RBBP7: variants seen among roughly 807,000 people sequenced by gnomAD.
The protein encoded by RBBP7 is RB binding protein 7, chromatin remodeling factor.
Under a neutral mutation model 35.2 loss-of-function variants are expected in RBBP7, and 5 were observed. The ratio of observed to expected loss-of-function variants is 0.14; its 90% CI spans 0.07 to 0.30. The LOEUF is 0.30. Among genes scored for constraint, RBBP7 ranks in the 10% least tolerant of loss-of-function variants. The pLI, the probability that RBBP7 is intolerant of heterozygous loss-of-function variation, is 1.00. For missense variants in RBBP7, 155 were observed against 327.5 expected, an observed-to-expected ratio of 0.47 and a Z score of 4.07; for synonymous variants, 140 against 118.7, an observed-to-expected ratio of 1.18 and a Z score of -1.17.
chrX:16,849,093 T>G, intron 10 of RBBP7, 151 bp downstream of exon 10: 1 of 413,235 alleles, frequency 2.4e-6, no homozygotes, highest in Admixed American at 4.5e-5. Context: ...TTGATAAATG[T>G]CAAAGCCCAG....
intron 2 of RBBP7, among the ~76,000 whole-genome samples, chrX:16,863,740 C>T (rs979114784): frequency 2.7e-5 from 3 of 112,243 alleles, no homozygotes; most frequent in African/African-American, 9.7e-5. Context: ...GTTTATGAAA[C>T]GAACATTCTC....
At chrX:16,864,993 G>A (rs1350821511) in intron 2 of RBBP7, among the ~76,000 whole-genome samples, 1 of 97,292 alleles carries the variant, frequency 1.0e-5, no homozygotes, top group Non-Finnish European at 2.0e-5. Context: ...CAGCTACTAG[G>A]GCTACTACGG....
At chrX:16,865,222 AAAAAACAAAAAACAC>A (rs1238223680) in intron 2 of RBBP7, among the ~76,000 whole-genome samples, 128 of 111,299 alleles carry the variant, frequency 1.2e-3, no homozygotes, top group African/African-American at 4.0e-3. Flanking sequence ...CCATCTCCAC[AAAAAACAAAAAACAC>A]AAAAACAAAA....
At chrX:16,853,873 C>T (rs1254542239) in intron 5 of RBBP7, 31 bp from the exon 6 acceptor site, 9 of 1,047,155 alleles carry the variant, frequency 8.6e-6, no homozygotes, top group Middle Eastern at 2.7e-4. Context: ...AAAAAAAGAA[C>T]AAGGGCTATA....
chrX:16,857,839 T>C, intron 4 of RBBP7, 130 bp from the exon 5 acceptor site: 3 of 946,514 alleles, frequency 3.2e-6, no homozygotes, highest in Non-Finnish European at 4.2e-6. Context: ...TAATACCCAA[T>C]GCAAATTGAG....
intron 5 of RBBP7, among the ~76,000 whole-genome samples, chrX:16,854,351 GT>G: frequency 9.0e-6 from 1 of 111,138 alleles, no homozygotes. Flanking sequence ...ACACTCCACT[GT>G]AATGAGGGGG....
Position 16,855,911 on chromosome X carries a change from A to C in RBBP7, c.597+1683T>G, listed in dbSNP as rs192182821. 1.2e-3 allele frequency among the ~76,000 whole-genome samples: 122 copies of C among 103,169 alleles called. No homozygotes were observed. In the East Asian group the frequency reaches 0.031, roughly 26 times the overall value. 89.6% of individuals were successfully genotyped at this position (103,169 alleles called of 115,157 possible). ...ACTTGACAGGCTGAGGTAGAGAACC[A>C]CTAGAGCTGGAAAGGTGGAGGGTGC... On this transcript the variant is annotated intron_variant, in intron 5 of 11. Coordinates refer to ENST00000380087, the MANE Select transcript of RBBP7 (RefSeq NM_002893.4).
At chrX:16,859,295 T>C (rs937222901) in intron 3 of RBBP7, among the ~76,000 whole-genome samples, 1 of 112,149 alleles carries the variant, frequency 8.9e-6, no homozygotes, top group African/African-American at 3.2e-5. Flanking sequence ...TGAACACCCT[T>C]TGAGTCTGAA....
At chrX:16,866,554 A>AAAAAAGAAAG (rs1569063906) in intron 2 of RBBP7, among the ~76,000 whole-genome samples, 1 of 57,677 alleles carries the variant, frequency 1.7e-5, no homozygotes, top group African/African-American at 7.5e-5. Context: ...AAAAAAAAAA[A>AAAAAAGAAAG]AAAGAAAGAA....
chrX:16,855,635 A>G (rs2147519534), intron 5 of RBBP7, among the ~76,000 whole-genome samples: 1 of 110,926 alleles, frequency 9.0e-6, no homozygotes, highest in South Asian at 3.8e-4. Flanking sequence ...TCTCTTCAAA[A>G]GGTACTAGTA....
At chrX:16,849,985 T>C (rs945188162) in intron 9 of RBBP7, among the ~76,000 whole-genome samples, 2 of 112,092 alleles carry the variant, frequency 1.8e-5, no homozygotes, top group African/African-American at 6.5e-5. Flanking sequence ...AATCACTCTT[T>C]ATGTATCAAT....
chrX:16,867,448 G>A (rs886444219), intron 2 of RBBP7, among the ~76,000 whole-genome samples: 25 of 111,677 alleles, frequency 2.2e-4, no homozygotes, highest in Admixed American at 6.7e-4. Flanking sequence ...TTGAATACCC[G>A]AGTATATGAT....
rs1930033625 is a variant in RBBP7, at chrX:16,844,917, AAAG to A, written c.*115_*117del. The A allele has an allele frequency of 9.0e-6, 5 of 553,707 alleles. No homozygotes were observed. Among genetic ancestry groups the A allele is most frequent in the Non-Finnish European group, 1.5e-5 (5 of 328,392 alleles). 45.6% of individuals were successfully genotyped at this position (553,707 alleles called of 1,213,427 possible). A position where few individuals can be genotyped will look rare whatever the true frequency, so the allele number is the denominator to read the frequency against. On this transcript the variant is annotated 3_prime_UTR_variant, in exon 12 of 12. Coordinates refer to ENST00000380087, the MANE Select transcript of RBBP7 (RefSeq NM_002893.4). Reference sequence around the variant, plus strand: ...CTTGAAAGTGCTAGAATCAGAGGATAAAGAAGCCATAAGCCACCCCACTTACAT... The same window carrying A: ...CTTGAAAGTGCTAGAATCAGAGGATAAAGCCATAAGCCACCCCACTTACAT...
intron 1 of RBBP7, chrX:16,869,717 G>C: frequency 1.0e-6 from 1 of 986,334 alleles, no homozygotes; most frequent in Admixed American, 5.6e-5. Context: ...CGCGTAGAAA[G>C]AGCCGCGGCG....
intron 1 of RBBP7, chrX:16,869,474 CCT>C (rs1930714231): frequency 3.4e-6 from 4 of 1,162,390 alleles, no homozygotes; most frequent in South Asian, 3.8e-5. Context: ...AATTGTTTAC[CCT>C]GTTACAGCTG....
At chrX:16,864,224 T>C (rs1430580389) in intron 2 of RBBP7, among the ~76,000 whole-genome samples, 1 of 110,312 alleles carries the variant, frequency 9.1e-6, no homozygotes, top group South Asian at 3.8e-4. Flanking sequence ...TAGCAACGTG[T>C]TTGAAAAAAA....
intron 2 of RBBP7, among the ~76,000 whole-genome samples, chrX:16,864,463 G>A (rs991491151): frequency 2.0e-5 from 2 of 100,919 alleles, no homozygotes; most frequent in Admixed American, 1.1e-4. Context: ...AGGTTGTGGT[G>A]AGTCAAGATC....
intron 2 of RBBP7, among the ~76,000 whole-genome samples, chrX:16,864,583 T>C (rs1930561882): frequency 1.9e-5 from 2 of 106,787 alleles, no homozygotes; most frequent in South Asian, 4.1e-4. Flanking sequence ...GGTTGATACA[T>C]GCACAGTGGG....
At position 16,845,561 on chromosome X, in the gene RBBP7, G is replaced by C. The variant is rs142880774; in HGVS notation, c.1209+267C>G. 6.5e-3 allele frequency among the ~76,000 whole-genome samples: 733 copies of C among 112,112 alleles called. 2 individuals are homozygous for C. Among genetic ancestry groups the C allele is most frequent in the Non-Finnish European group, 0.011 (562 of 53,237 alleles). On this transcript the variant is annotated intron_variant, in intron 11 of 11. Transcript: ENST00000380087. ...ACAGAGTAGCGACGCCAAGACTCCAGTGTATGAAGAGCACAACAACAATGA... is the reference window on the plus strand; with the variant it reads ...ACAGAGTAGCGACGCCAAGACTCCACTGTATGAAGAGCACAACAACAATGA...
Sources: gnomAD v4.1 joint callset for allele counts (sites outside exome capture counted in the v4.1 genomes callset) on GRCh38, gnomAD v4.1.1 for gene constraint, MANE v1.5 for transcripts, NCBI Gene and HGNC (gene_info 2026-07-23, HGNC 2026-07-21) for gene names.